TAX1BP1: variants seen among roughly 807,000 people sequenced by gnomAD.
TAX1BP1 encodes tax1-binding protein 1.
Under a neutral mutation model 97.7 loss-of-function variants are expected in TAX1BP1, and 62 were observed. The ratio of observed to expected loss-of-function variants is 0.63; its 90% CI spans 0.52 to 0.78. The LOEUF (loss-of-function observed/expected upper bound fraction) is 0.78. Among genes scored for constraint, TAX1BP1 ranks in the 30% least tolerant of loss-of-function variants. The pLI, the probability that TAX1BP1 is intolerant of heterozygous loss-of-function variation, is 0.00. For synonymous variants in TAX1BP1, 340 were observed against 304.2 expected, an observed-to-expected ratio of 1.12 and a Z score of -1.23; for missense variants, 867 against 916.1, an observed-to-expected ratio of 0.95 and a Z score of 0.69.
chr7:27,804,188 AGAT>A lies in TAX1BP1; in HGVS notation c.1764+4099_1764+4101del, dbSNP rs373983010. On this transcript the variant is annotated intron_variant, in intron 13 of 16. Coordinates refer to ENST00000396319, the MANE Select transcript of TAX1BP1 (RefSeq NM_006024.7). ...ATAGCAAAATTTGTCAGCATTTAGAAGATCCACATAACTCAGTGAACCAGTAGT... is the reference window on the plus strand; with the variant it reads ...ATAGCAAAATTTGTCAGCATTTAGAACCACATAACTCAGTGAACCAGTAGT... 4.8e-3 allele frequency among the ~76,000 whole-genome samples: 727 copies of A among 152,332 alleles called. 4 individuals are homozygous for A. The highest frequency in any genetic ancestry group is 0.013 in the African/African-American group (548 of 41,566).
chr7:27,824,549 C>CAA (rs34757943), intron 15 of TAX1BP1, among the ~76,000 whole-genome samples: 9,602 of 90,778 alleles, frequency 0.11, 636 homozygotes, highest in East Asian at 0.17. Context: ...GACCTTGTCT[C>CAA]AAAAAAAAAA....
chr7:27,816,352 C>CT lies in TAX1BP1; in HGVS notation c.1770dup (p.Lys591Ter). 1 of 1,566,984 alleles carries CT rather than the reference C, an allele frequency of 6.4e-7. No individual in the cohort carries two copies. The highest frequency in any genetic ancestry group is 8.6e-7 in the Non-Finnish European group (1 of 1,165,822). ...TCTTTGTTTTTGTTAATTTTAGGAA[C>CT]TTAAAAGGAGTCTAGAAAATCCAGC... On this transcript the variant is annotated frameshift_variant, in exon 14 of 17. Coordinates refer to ENST00000396319, the MANE Select transcript of TAX1BP1 (RefSeq NM_006024.7). LOFTEE classifies it high-confidence loss of function.
At position 27,785,375 on chromosome 7, in the gene TAX1BP1, GTTAC is replaced by G; in HGVS notation, c.762-21_762-18del. ...TTTTAAAACTTTAAAACATTATAAT[GTTAC>G]TTTATCATACCTATCTTAGTTTAAA... On this transcript the variant is annotated intron_variant, in intron 6 of 16. Transcript: ENST00000396319. The G allele has an allele frequency of 6.3e-7, 1 of 1,599,720 alleles. No individual in the cohort carries two copies. Among genetic ancestry groups the G allele is most frequent in the Non-Finnish European group, 8.5e-7 (1 of 1,174,428 alleles).
At chr7:27,798,420 T>C (rs1362734933) in intron 12 of TAX1BP1, among the ~76,000 whole-genome samples, 1 of 151,952 alleles carries the variant, frequency 6.6e-6, no homozygotes, top group Non-Finnish European at 1.5e-5. Flanking sequence ...TCCCAGCACT[T>C]TGGGAGGCCG....
In TAX1BP1 at chr7:27,765,921, T is replaced by G. The variant is rs1788614119; in HGVS notation, c.353T>G (p.Phe118Cys). Residue 118 changes from phenylalanine to cysteine, a missense_variant, in exon 4 of 17, where the codon TTC becomes TGC. This residue lies in a region of TAX1BP1 where 822 missense variants were observed against 851.4 expected (regional missense o/e 0.97). Coordinates refer to ENST00000396319, the MANE Select transcript of TAX1BP1 (RefSeq NM_006024.7). ...GAAATTCGTGGAGCAAGTACACCTT[T>G]CCAGTTTCGAGCTTCTTCTCCAGTT... is the stretch of plus-strand genomic sequence containing the variant. ...KGEIRGASTP[F>C]QFRASSPVEE... 1 of 1,614,090 alleles carries G rather than the reference T, an allele frequency of 6.2e-7. No individual in the cohort carries two copies. The highest frequency in any genetic ancestry group is 1.7e-5 in the Admixed American group (1 of 60,012).
intron 8 of TAX1BP1, among the ~76,000 whole-genome samples, chr7:27,791,241 T>C (rs1789694208): frequency 6.6e-6 from 1 of 152,118 alleles, no homozygotes; most frequent in South Asian, 2.1e-4. Context: ...TAGAAACCAA[T>C]ATTGGGTTGC....
intron 3 of TAX1BP1, among the ~76,000 whole-genome samples, chr7:27,759,453 G>A (rs1315209692): frequency 2.0e-5 from 3 of 152,122 alleles, no homozygotes; most frequent in Non-Finnish European, 4.4e-5. Flanking sequence ...ATTTTAGTTA[G>A]ATGTTAGTAA....
chr7:27,787,597 A>C lies in TAX1BP1; in HGVS notation c.1032A>C (p.Ser344=), dbSNP rs1190193404. ...NLQRTFLLTT[S]SKEDTCFLKE... ...AAAGAACTTTCCTGCTTACAACCTC[A>C]AGTAAAGTAAGTACTTTTGCTATAT... Residue 344 remains serine (S), a synonymous_variant, in exon 8 of 17, where the codon TCA becomes TCC. Transcript: ENST00000396319. The C allele has an allele frequency of 6.2e-7, 1 of 1,604,606 alleles. No individual in the cohort carries two copies. The highest frequency in any genetic ancestry group is 2.2e-5 in the East Asian group (1 of 44,742).
chr7:27,769,853 A>G lies in TAX1BP1; in HGVS notation c.612+19A>G. On this transcript the variant is annotated intron_variant, in intron 5 of 16. Coordinates refer to ENST00000396319, the MANE Select transcript of TAX1BP1 (RefSeq NM_006024.7). ...ACAAAAGGTTAGTTGTGTCTTATGT[A>G]ACTGATTGAAGTTGATAGTATATTG... 1 of 1,609,436 alleles carries G rather than the reference A, an allele frequency of 6.2e-7. No homozygotes were observed. The highest frequency in any genetic ancestry group is 1.1e-5 in the South Asian group (1 of 90,134).
chr7:27,815,803 A>T (rs1248427778), intron 13 of TAX1BP1, among the ~76,000 whole-genome samples: 1 of 152,090 alleles, frequency 6.6e-6, no homozygotes, highest in Non-Finnish European at 1.5e-5. Flanking sequence ...TGGGAGGCTG[A>T]AGTGGGTGGA....
chr7:27,816,807 A>G (rs1790784295), intron 14 of TAX1BP1, 83 bp from the exon 15 acceptor site: 8 of 1,512,382 alleles, frequency 5.3e-6, no homozygotes, highest in Non-Finnish European at 2.7e-6. Flanking sequence ...GTGGTTCTTT[A>G]TATCCTGTTC....
At chr7:27,777,410 C>G (rs1265192958) in intron 5 of TAX1BP1, among the ~76,000 whole-genome samples, 1 of 152,136 alleles carries the variant, frequency 6.6e-6, no homozygotes. Context: ...AAAGACCCTT[C>G]TTTCAATTAG....
rs542437695 is a variant in TAX1BP1, at chr7:27,814,642, C to A, written c.1765-1707C>A. Among the ~76,000 whole-genome samples the A allele has an allele frequency of 3.3e-5, 5 of 152,224 alleles. No homozygotes were observed. In the East Asian group the frequency reaches 9.6e-4, roughly 29 times the overall value. On this transcript the variant is annotated intron_variant, in intron 13 of 16. Transcript: ENST00000396319. ...CTCTAAGTAGAATTATTAAAAATAT[C>A]ATTTTCCAATTATTTGTTGCTGTAT...
intron 16 of TAX1BP1, 107 bp downstream of exon 16, chr7:27,827,927 G>A: frequency 1.1e-6 from 1 of 906,770 alleles, no homozygotes. Context: ...GCCTGGCCTA[G>A]CTGAACCAGA....
chr7:27,803,709 A>T (rs932536178), intron 13 of TAX1BP1, among the ~76,000 whole-genome samples: 1 of 152,230 alleles, frequency 6.6e-6, no homozygotes, highest in African/African-American at 2.4e-5. Flanking sequence ...TGCACTGAAG[A>T]TGTTAAAACA....
intron 13 of TAX1BP1, among the ~76,000 whole-genome samples, chr7:27,802,381 A>G (rs1790174249): frequency 6.6e-6 from 1 of 152,238 alleles, no homozygotes; most frequent in Non-Finnish European, 1.5e-5. Context: ...ATCACCTGCC[A>G]TTGAATGGGT....
intron 1 of TAX1BP1, among the ~76,000 whole-genome samples, chr7:27,747,762 T>G (rs1435569608): frequency 6.6e-6 from 1 of 151,692 alleles, no homozygotes; most frequent in Non-Finnish European, 1.5e-5. Flanking sequence ...GGATTGAGAT[T>G]ACTTGGGGCG....
chr7:27,768,638 A>G (rs1006764083), intron 4 of TAX1BP1, among the ~76,000 whole-genome samples: 1 of 151,948 alleles, frequency 6.6e-6, no homozygotes, highest in Non-Finnish European at 1.5e-5. Flanking sequence ...TTTTCTGTTG[A>G]CTTTATTGAA....
intron 3 of TAX1BP1, among the ~76,000 whole-genome samples, chr7:27,763,761 C>G (rs1316245552): frequency 6.8e-6 from 1 of 147,926 alleles, no homozygotes; most frequent in Non-Finnish European, 1.5e-5. Flanking sequence ...GAGCGAGACT[C>G]TGTCTCAAAA....
Sources: gnomAD v4.1 joint callset for allele counts (sites outside exome capture counted in the v4.1 genomes callset) on GRCh38, gnomAD v4.1.1 for gene constraint, gnomAD v4.1.1 regional missense constraint, MANE v1.5 for transcripts, NCBI Gene and HGNC (gene_info 2026-07-23, HGNC 2026-07-21) for gene names.